The following RANBP2 variants were observed in gnomAD, a reference collection of about 807,000 sequenced individuals.
RANBP2 encodes E3 SUMO-protein ligase RanBP2.
Under a neutral mutation model 303.6 loss-of-function variants are expected in RANBP2, and 57 were observed. That is an observed-to-expected ratio of 0.19 (90% CI 0.15 to 0.23). The LOEUF (loss-of-function observed/expected upper bound fraction) is 0.23, where lower values mean the gene tolerates loss of function less well. Among genes scored for constraint, RANBP2 ranks in the 10% least tolerant of loss-of-function variants. The pLI is 1.00. For missense variants in RANBP2, 3,138 were observed against 3,780.8 expected, an observed-to-expected ratio of 0.83 and a Z score of 4.46; for synonymous variants, 1,167 against 1,301.5, an observed-to-expected ratio of 0.90 and a Z score of 2.23.
the RANBP2 span, among the ~76,000 whole-genome samples, chr2:108,996,522 T>C: frequency 6.6e-6 from 1 of 152,230 alleles, no homozygotes; most frequent in Non-Finnish European, 1.5e-5. Flanking sequence ...GTATGCGCCA[T>C]GGACTTCAAC....
the RANBP2 span, among the ~76,000 whole-genome samples, chr2:109,321,794 G>A: frequency 1.3e-5 from 2 of 152,184 alleles, no homozygotes; most frequent in South Asian, 2.1e-4. Context: ...ATGTGTTCGC[G>A]AGGGATTGGT....
chr2:109,057,324 A>G, the RANBP2 span, among the ~76,000 whole-genome samples: 1 of 152,196 alleles, frequency 6.6e-6, no homozygotes, highest in Admixed American at 6.5e-5. Flanking sequence ...GTAAAGAGAA[A>G]CTGGATTTTC....
chr2:109,541,916 C>A, the RANBP2 span, among the ~76,000 whole-genome samples: 1 of 152,186 alleles, frequency 6.6e-6, no homozygotes, highest in Non-Finnish European at 1.5e-5. Flanking sequence ...CCAATAGGAA[C>A]ACGGGGCTTA....
chr2:109,106,025 T>G, the RANBP2 span, among the ~76,000 whole-genome samples: 1 of 151,754 alleles, frequency 6.6e-6, no homozygotes, highest in Non-Finnish European at 1.5e-5. Flanking sequence ...GGCTAATTTT[T>G]TTTTTTTTTG....
At chr2:109,623,323 T>C in the RANBP2 span, among the ~76,000 whole-genome samples, 1 of 152,160 alleles carries the variant, frequency 6.6e-6, no homozygotes, top group Non-Finnish European at 1.5e-5. Flanking sequence ...TGCATGTCCC[T>C]CTCTGGTGCA....
At chr2:109,286,019 G>A in the RANBP2 span, among the ~76,000 whole-genome samples, 7 of 152,226 alleles carry the variant, frequency 4.6e-5, no homozygotes, top group Admixed American at 2.6e-4. Context: ...GAGGCTGGTG[G>A]AAGCCTGATC....
At chr2:108,855,019 C>G in the RANBP2 span, among the ~76,000 whole-genome samples, 5 of 152,100 alleles carry the variant, frequency 3.3e-5, no homozygotes, top group Non-Finnish European at 5.9e-5. Flanking sequence ...AAAAAGGTTA[C>G]ATTTGATTGC....
the RANBP2 span, among the ~76,000 whole-genome samples, chr2:109,612,882 T>A: frequency 6.6e-6 from 1 of 152,226 alleles, no homozygotes; most frequent in Non-Finnish European, 1.5e-5. Flanking sequence ...TTTGGACGGA[T>A]CCTCTAATCT....
the RANBP2 span, chr2:109,544,719 A>C: frequency 7.1e-6 from 6 of 844,588 alleles, no homozygotes; most frequent in South Asian, 1.1e-4. Flanking sequence ...AGCAGTAATA[A>C]ATTTATAGTT....
At chr2:109,342,738 C>T in the RANBP2 span, among the ~76,000 whole-genome samples, 2 of 152,220 alleles carry the variant, frequency 1.3e-5, no homozygotes, top group African/African-American at 4.8e-5. Context: ...ATGCCTGATT[C>T]CAGTAGAAGC....
At chr2:108,854,520 A>G in the RANBP2 span, among the ~76,000 whole-genome samples, 1 of 152,218 alleles carries the variant, frequency 6.6e-6, no homozygotes, top group Non-Finnish European at 1.5e-5. Flanking sequence ...TACTTATTAT[A>G]AAACTTTAAG....
At chr2:109,246,652 T>A in the RANBP2 span, among the ~76,000 whole-genome samples, 3 of 152,220 alleles carry the variant, frequency 2.0e-5, no homozygotes, top group African/African-American at 7.2e-5. Flanking sequence ...CGTGTCTTAT[T>A]TGACCTGTGG....
At chr2:109,707,347 T>A in the RANBP2 span, among the ~76,000 whole-genome samples, 1 of 152,154 alleles carries the variant, frequency 6.6e-6, no homozygotes, top group Non-Finnish European at 1.5e-5. Context: ...GGCATCTGCT[T>A]CCACTTAGAT....
At chr2:109,697,689 TTTC>T in the RANBP2 span, among the ~76,000 whole-genome samples, 1 of 152,282 alleles carries the variant, frequency 6.6e-6, no homozygotes, top group East Asian at 1.9e-4. Flanking sequence ...AGGGTATTTA[TTTC>T]TTCTTTCTGA....
At chr2:109,247,909 T>C in the RANBP2 span, among the ~76,000 whole-genome samples, 2 of 152,142 alleles carry the variant, frequency 1.3e-5, no homozygotes, top group Non-Finnish European at 2.9e-5. Flanking sequence ...GGACTGAAGG[T>C]CCCAGTAAGC....
the RANBP2 span, among the ~76,000 whole-genome samples, chr2:109,076,355 AG>A: frequency 6.6e-6 from 1 of 150,776 alleles, no homozygotes; most frequent in Non-Finnish European, 1.5e-5. Context: ...AAAAATTAAA[AG>A]CTTTTCCTTT....
chr2:109,569,237 T>A, the RANBP2 span, among the ~76,000 whole-genome samples: 1 of 152,166 alleles, frequency 6.6e-6, no homozygotes, highest in Non-Finnish European at 1.5e-5. Flanking sequence ...GAGACCAGCC[T>A]GACCAAAATG....
intron 9 of RANBP2, among the ~76,000 whole-genome samples, chr2:108,750,562 C>CTTTTCTTTTG (rs1675796440): frequency 1.1e-5 from 1 of 93,524 alleles, no homozygotes. Flanking sequence ...ATAACCTTTT[C>CTTTTCTTTTG]TTTTCTTTTC....
the RANBP2 span, among the ~76,000 whole-genome samples, chr2:109,318,493 T>C: frequency 2.0e-5 from 3 of 152,296 alleles, no homozygotes; most frequent in Admixed American, 1.3e-4. Flanking sequence ...GACTGAATCA[T>C]AGCACAATCA....
Sources: gnomAD v4.1 joint callset for allele counts (sites outside exome capture counted in the v4.1 genomes callset) on GRCh38, gnomAD v4.1.1 for gene constraint, MANE v1.5 for transcripts, NCBI Gene and HGNC (gene_info 2026-07-23, HGNC 2026-07-21) for gene names.